Variants in GALC observed in about 807,000 individuals in gnomAD.
The protein encoded by GALC is galactosylceramidase.
GALC carries 77 observed loss-of-function variants against 91.8 expected under a neutral mutation model. That is an observed-to-expected ratio of 0.84 (90% confidence interval 0.70 to 1.01). The LOEUF is 1.01. Ranked by LOEUF, GALC falls within the 50% of genes least tolerant of loss-of-function variation. The probability of loss-of-function intolerance (pLI) is 0.00; values close to 1 mark genes in which losing one functional copy is unlikely to be tolerated. For missense variants in GALC, 882 were observed against 855.9 expected (o/e 1.03, Z -0.38); for synonymous variants, 357 against 306.7 (o/e 1.16, Z -1.71).
At chr14:87,964,415 G>T (rs1215706143) in intron 9 of GALC, among the ~76,000 whole-genome samples, 1 of 152,030 alleles carries the variant, frequency 6.6e-6, no homozygotes, top group Non-Finnish European at 1.5e-5. Context: ...TTTTTAGAAA[G>T]ATTGTTAGAA....
intron 12 of GALC, among the ~76,000 whole-genome samples, chr14:87,949,412 T>C (rs1040900419): frequency 6.6e-6 from 1 of 151,908 alleles, no homozygotes; most frequent in African/African-American, 2.4e-5. Flanking sequence ...AAAAATCAGA[T>C]CTGCATTTTT....
At chr14:87,963,572 GAA>G (rs201562753) in intron 9 of GALC, 61 bp from the exon 10 acceptor site, 260 of 1,148,774 alleles carry the variant, frequency 2.3e-4, no homozygotes, top group Admixed American at 4.9e-4. Flanking sequence ...TTTCTTTTGG[GAA>G]AAAAAAAAAG....
At chr14:87,961,295 A>C (rs1885790037) in intron 10 of GALC, among the ~76,000 whole-genome samples, 1 of 152,208 alleles carries the variant, frequency 6.6e-6, no homozygotes, top group Non-Finnish European at 1.5e-5. Flanking sequence ...CTATAATCAA[A>C]GGCATGGACA....
rs543980459 is a variant in GALC, at chr14:87,942,478, A to C, written c.1671-920T>G. Among the ~76,000 whole-genome samples the C allele has an allele frequency of 4.6e-5, 7 of 152,118 alleles. No homozygotes were observed. The South Asian group carries it at 1.2e-3, about 27-fold the overall frequency. On this transcript the variant is annotated intron_variant, in intron 14 of 16. Transcript: ENST00000261304. ...CCAGGTACAACACTTTCCTTCTGGA[A>C]TGCTACAACCACCCCAAACCAACAT...
chr14:87,961,789 A>C (rs1885817357), intron 10 of GALC, among the ~76,000 whole-genome samples: 1 of 152,166 alleles, frequency 6.6e-6, no homozygotes, highest in Non-Finnish European at 1.5e-5. Flanking sequence ...AAAAGGTGGC[A>C]GAAAGGTTAA....
At chr14:87,935,988 C>T (rs1884551756) in intron 16 of GALC, among the ~76,000 whole-genome samples, 1 of 151,992 alleles carries the variant, frequency 6.6e-6, no homozygotes, top group African/African-American at 2.4e-5. Flanking sequence ...ATCAAACACT[C>T]AATATTAACA....
At chr14:87,993,596 G>C, upstream of GALC, 1 of 883,908 alleles carries the variant, frequency 1.1e-6, no homozygotes, top group Admixed American at 2.3e-5. Context: ...TGGAGCCTGA[G>C]TTTTCCCTTA....
chr14:87,976,610 T>C, intron 6 of GALC, 122 bp from the exon 7 acceptor site: 1 of 771,042 alleles, frequency 1.3e-6, no homozygotes, highest in Non-Finnish European at 2.1e-6. Context: ...GCTTCTTTTG[T>C]TTGTTTGTTT....
chr14:87,988,530 A>C lies in GALC; in HGVS notation c.196-7T>G, dbSNP rs1302684850. On this transcript the variant is annotated splice_region_variant and splice_polypyrimidine_tract_variant and intron_variant, in intron 1 of 16. Coordinates refer to ENST00000261304, the MANE Select transcript of GALC (RefSeq NM_000153.4). ...CTAGAAGTCGGGAGGTTGCCTAAAA[A>C]AAAAAGTTTTCAAAAGTATGAATAA... 1 of 1,608,272 alleles carries C rather than the reference A, an allele frequency of 6.2e-7. No individual in the cohort carries two copies. Among genetic ancestry groups the C allele is most frequent in the Admixed American group, 1.7e-5 (1 of 60,014 alleles).
intron 7 of GALC, among the ~76,000 whole-genome samples, chr14:87,972,588 A>G (rs1886340550): frequency 6.6e-6 from 1 of 152,154 alleles, no homozygotes; most frequent in Admixed American, 6.5e-5. Context: ...TTTAAAGATG[A>G]ATTGTTAGCA....
intron 14 of GALC, among the ~76,000 whole-genome samples, chr14:87,944,185 G>A (rs1884972911): frequency 6.6e-6 from 1 of 151,860 alleles, no homozygotes; most frequent in African/African-American, 2.4e-5. Flanking sequence ...AATATATGAA[G>A]ATCTGGGGGA....
chr14:87,967,900 G>C (rs754512225), intron 8 of GALC, among the ~76,000 whole-genome samples: 1 of 152,106 alleles, frequency 6.6e-6, no homozygotes, highest in Non-Finnish European at 1.5e-5. Flanking sequence ...GAAACAATTA[G>C]GAAAATCTGA....
rs17687109 is a variant in GALC, at chr14:87,963,346, A to G, written c.1161+38T>C. On this transcript the variant is annotated intron_variant, in intron 10 of 16. Coordinates refer to ENST00000261304, the MANE Select transcript of GALC (RefSeq NM_000153.4). ...TTATATTTTATTTTTCCAATAGTAA[A>G]GAAGTGAGTTAATCCAATAGCAACA... The G allele has an allele frequency of 0.14, 224,280 of 1,595,282 alleles. 17,208 individuals carry two copies. Among genetic ancestry groups the G allele is most frequent in the Middle Eastern group, 0.16 (964 of 6,022 alleles).
chr14:87,964,184 G>A (rs1051234217), intron 9 of GALC, among the ~76,000 whole-genome samples: 1 of 151,454 alleles, frequency 6.6e-6, no homozygotes, highest in African/African-American at 2.4e-5. Flanking sequence ...GAATATACAA[G>A]TCCAATATAC....
At chr14:87,991,347 C>A (rs1031717761) in intron 1 of GALC, among the ~76,000 whole-genome samples, 1 of 152,146 alleles carries the variant, frequency 6.6e-6, no homozygotes, top group African/African-American at 2.4e-5. Flanking sequence ...GGACTACAGG[C>A]GCGTGCTACC....
At chr14:87,949,256 G>A (rs1885206589) in intron 12 of GALC, among the ~76,000 whole-genome samples, 1 of 151,992 alleles carries the variant, frequency 6.6e-6, no homozygotes, top group South Asian at 2.1e-4. Context: ...TTTAGTATGT[G>A]AAGAGAGGCC....
Position 87,933,962 on chromosome 14 carries a change from C to T in GALC, c.*770G>A. ...GAGGCTGAGGAAACGACTACAACAG[C>T]ATTGGCTATATCAGGTTTTCTTCCT... On this transcript the variant is annotated 3_prime_UTR_variant, in exon 17 of 17. Coordinates refer to ENST00000261304, the MANE Select transcript of GALC (RefSeq NM_000153.4). The T allele has an allele frequency of 1.3e-6, 2 of 1,531,332 alleles. No individual in the cohort carries two copies. Among genetic ancestry groups the T allele is most frequent in the Non-Finnish European group, 1.7e-6 (2 of 1,143,010 alleles). The allele number at this position is 1,531,332 out of a possible 1,614,324, so 94.9% of individuals were successfully genotyped here.
intron 6 of GALC, 156 bp from the exon 7 acceptor site, chr14:87,976,644 TTC>T: frequency 1.5e-6 from 1 of 660,714 alleles, no homozygotes. Flanking sequence ...AGACAGAGGC[TTC>T]TCTCGTCGCC....
At chr14:87,986,657 G>T in intron 3 of GALC, 55 bp from the exon 4 acceptor site, 1 of 1,074,936 alleles carries the variant, frequency 9.3e-7, no homozygotes, top group South Asian at 1.3e-5. Flanking sequence ...TACTTCCTAG[G>T]ACCATCTCAC....
Sources: allele counts gnomAD v4.1 joint callset (sites outside exome capture counted in the v4.1 genomes callset), GRCh38; gene constraint gnomAD v4.1.1; transcripts MANE v1.5; gene names NCBI Gene and HGNC (gene_info 2026-07-23, HGNC 2026-07-21).